VSTM2L: variants seen among roughly 807,000 people sequenced by gnomAD.
The protein encoded by VSTM2L is V-set and transmembrane domain containing 2 like.
A neutral mutation model predicts 19.9 loss-of-function variants in VSTM2L; 9 were observed. The observed-to-expected ratio is 0.45, with a 90% confidence interval of 0.27 to 0.79. VSTM2L has a LOEUF of 0.79. Ranked by LOEUF, VSTM2L falls within the 30% of genes least tolerant of loss-of-function variation. The pLI is 0.15. For missense variants in VSTM2L, 286 were observed against 295.5 expected, an observed-to-expected ratio of 0.97 and a Z score of 0.24; for synonymous variants, 127 against 133.8, an observed-to-expected ratio of 0.95 and a Z score of 0.35.
intron 1 of VSTM2L, among the ~76,000 whole-genome samples, chr20:37,920,683 T>C (rs765008233): frequency 1.2e-4 from 18 of 152,216 alleles, no homozygotes; most frequent in Non-Finnish European, 2.1e-4. Context: ...ACCTCCCTGC[T>C]TATGCATGTC....
chr20:37,911,887 C>CGT (rs2072781798), intron 1 of VSTM2L, among the ~76,000 whole-genome samples: 1 of 141,224 alleles, frequency 7.1e-6, no homozygotes, highest in Non-Finnish European at 1.6e-5. Context: ...CATGTATGTG[C>CGT]GTGTATGTGT....
rs936385414 is a variant in VSTM2L at position 37,931,678 on chromosome 20, C to T, written c.165C>T (p.Gly55=). The T allele has an allele frequency of 2.4e-5, 39 of 1,613,434 alleles. No homozygotes were observed. Among genetic ancestry groups the T allele is most frequent in the African/African-American group, 1.2e-4 (9 of 74,944 alleles). ...CCCATGACATGACAGCACGGACGGG[C>T]GAGGACGTGGAGATGGCCTGCTCCT... ...ETPHDMTART[G]EDVEMACSFR... The change falls in exon 2 of 4, where the codon GGC becomes GGT. Residue 55 remains glycine (G), a synonymous_variant. Coordinates refer to ENST00000373461, the MANE Select transcript of VSTM2L (RefSeq NM_080607.3).
intron 1 of VSTM2L, among the ~76,000 whole-genome samples, chr20:37,912,863 C>T (rs1343165837): frequency 6.6e-6 from 1 of 151,906 alleles, no homozygotes; most frequent in African/African-American, 2.4e-5. Flanking sequence ...TCTCTCTCCC[C>T]CTCTCTCTCT....
chr20:37,914,690 C>T (rs1293581514), intron 1 of VSTM2L, among the ~76,000 whole-genome samples: 3 of 152,124 alleles, frequency 2.0e-5, no homozygotes, highest in Non-Finnish European at 4.4e-5. Context: ...CTGTCAGAGC[C>T]GCATCGCACG....
chr20:37,907,962 T>A (rs1256025037), intron 1 of VSTM2L, among the ~76,000 whole-genome samples: 1 of 152,208 alleles, frequency 6.6e-6, no homozygotes, highest in African/African-American at 2.4e-5. Context: ...GGCTGGAAGA[T>A]GAAGAAAATT....
intron 1 of VSTM2L, among the ~76,000 whole-genome samples, chr20:37,921,429 C>T (rs370695152): frequency 8.5e-5 from 13 of 152,112 alleles, no homozygotes; most frequent in Admixed American, 5.9e-4. Flanking sequence ...CCAGGCAGCC[C>T]GGAGTAGGGA....
At chr20:37,936,409 CT>C (rs2072940736) in intron 3 of VSTM2L, among the ~76,000 whole-genome samples, 2 of 152,292 alleles carry the variant, frequency 1.3e-5, no homozygotes, top group South Asian at 2.1e-4. Context: ...CTAATTAGAT[CT>C]TTTGAAAAAC....
intron 3 of VSTM2L, among the ~76,000 whole-genome samples, chr20:37,941,825 A>G (rs1323056183): frequency 6.7e-6 from 1 of 148,544 alleles, no homozygotes; most frequent in Admixed American, 6.7e-5. Flanking sequence ...TTTTTTTTCT[A>G]AGAAGAAGGG....
chr20:37,933,189 A>G (rs982308388), intron 2 of VSTM2L, among the ~76,000 whole-genome samples: 1 of 152,212 alleles, frequency 6.6e-6, no homozygotes, highest in African/African-American at 2.4e-5. Context: ...GAGTGACTCA[A>G]GGGTACAAAC....
At chr20:37,909,776 CT>C (rs1420475898) in intron 1 of VSTM2L, among the ~76,000 whole-genome samples, 1 of 152,138 alleles carries the variant, frequency 6.6e-6, no homozygotes, top group Non-Finnish European at 1.5e-5. Flanking sequence ...CCCTTCTCCC[CT>C]GACCCTGATG....
chr20:37,936,356 C>T (rs1468399779), intron 3 of VSTM2L, among the ~76,000 whole-genome samples: 2 of 152,166 alleles, frequency 1.3e-5, no homozygotes, highest in Non-Finnish European at 2.9e-5. Context: ...TTCTAAAAAT[C>T]CCGATTTTAG....
chr20:37,944,146 G>T lies in VSTM2L; in HGVS notation c.508G>T (p.Val170Phe). ...GCGGGTGCAGCCAGGGGAGAACTCC[G>T]TCCTGCATCTGCCCGAAGCCCCTCC... ...YLRVQPGENS[V>F]LHLPEAPPAA... Residue 170 changes from valine to phenylalanine, a missense_variant, in exon 4 of 4, where the codon GTC (valine) becomes TTC (phenylalanine). Val to Phe is a conservative substitution (Grantham distance 50, BLOSUM62 -1). Coordinates refer to ENST00000373461, the MANE Select transcript of VSTM2L (RefSeq NM_080607.3). The T allele has an allele frequency of 6.2e-7, 1 of 1,604,222 alleles. No individual in the cohort carries two copies. The highest frequency in any genetic ancestry group is 8.5e-7 in the Non-Finnish European group (1 of 1,175,058).
intron 1 of VSTM2L, among the ~76,000 whole-genome samples, chr20:37,923,337 G>A (rs1290349463): frequency 6.6e-6 from 1 of 152,162 alleles, no homozygotes; most frequent in Non-Finnish European, 1.5e-5. Context: ...AAACCCAGTG[G>A]CTCCGGCCAG....
At chr20:37,903,685 G>C (rs1032006654) in intron 1 of VSTM2L, among the ~76,000 whole-genome samples, 2 of 152,138 alleles carry the variant, frequency 1.3e-5, no homozygotes, top group Non-Finnish European at 2.9e-5. Context: ...CCACACACTC[G>C]CGCGGATACG....
At chr20:37,917,853 G>T (rs1422704701) in intron 1 of VSTM2L, among the ~76,000 whole-genome samples, 1 of 152,226 alleles carries the variant, frequency 6.6e-6, no homozygotes, top group Non-Finnish European at 1.5e-5. Flanking sequence ...AGAGTAAACA[G>T]CTCTCACCAG....
chr20:37,904,974 G>A (rs1194045478), intron 1 of VSTM2L, among the ~76,000 whole-genome samples: 1 of 152,110 alleles, frequency 6.6e-6, no homozygotes, highest in Non-Finnish European at 1.5e-5. Context: ...ATAAGGAAAG[G>A]GTTCTTTTGA....
intron 1 of VSTM2L, among the ~76,000 whole-genome samples, chr20:37,926,541 A>T (rs1214578015): frequency 6.6e-6 from 1 of 152,194 alleles, no homozygotes; most frequent in Non-Finnish European, 1.5e-5. Flanking sequence ...CTCCATCTAA[A>T]AAAAGAAAGA....
intron 3 of VSTM2L, among the ~76,000 whole-genome samples, chr20:37,935,795 T>C (rs1183146573): frequency 1.3e-5 from 2 of 152,070 alleles, no homozygotes; most frequent in Non-Finnish European, 2.9e-5. Context: ...CCTGGCATGG[T>C]GTAGTAGGTA....
At chr20:37,904,928 A>C (rs1479904223) in intron 1 of VSTM2L, among the ~76,000 whole-genome samples, 1 of 151,884 alleles carries the variant, frequency 6.6e-6, no homozygotes, top group East Asian at 1.9e-4. Flanking sequence ...CATGCCCCTC[A>C]CCTCATTTCT....
Sources: allele counts gnomAD v4.1 joint callset (sites outside exome capture counted in the v4.1 genomes callset), GRCh38; gene constraint gnomAD v4.1.1; transcripts MANE v1.5; gene names NCBI Gene and HGNC (gene_info 2026-07-23, HGNC 2026-07-21).